The following TERF2 variants were observed in gnomAD, a reference collection of about 807,000 sequenced individuals.
The protein encoded by TERF2 is telomeric repeat-binding factor 2.
TERF2 carries 16 observed loss-of-function variants against 56.1 expected under a neutral mutation model. The ratio of observed to expected loss-of-function variants is 0.29; its 90% CI spans 0.19 to 0.43. The LOEUF is 0.43. TERF2 is among the 20% of genes least tolerant of loss of function. The pLI, the probability that TERF2 is intolerant of heterozygous loss-of-function variation, is 1.00. For synonymous variants in TERF2, 296 were observed against 282.1 expected, an observed-to-expected ratio of 1.05 and a Z score of -0.50; for missense variants, 547 against 712.9, an observed-to-expected ratio of 0.77 and a Z score of 2.65.
intron 6 of TERF2, 100 bp from the exon 7 acceptor site, chr16:69,367,299 G>C (rs1004670235): frequency 7.7e-6 from 10 of 1,300,570 alleles, no homozygotes. Flanking sequence ...AATTCCAGTT[G>C]AGGAGGCTTT....
intron 7 of TERF2, among the ~76,000 whole-genome samples, chr16:69,361,722 A>C (rs1000293508): frequency 6.6e-6 from 1 of 151,924 alleles, no homozygotes; most frequent in Middle Eastern, 3.2e-3. Flanking sequence ...CACTGAGTAC[A>C]TCAAGCACAT....
intron 3 of TERF2, among the ~76,000 whole-genome samples, chr16:69,377,689 A>G: frequency 6.6e-6 from 1 of 152,178 alleles, no homozygotes; most frequent in East Asian, 1.9e-4. Flanking sequence ...TCTGTTCTGA[A>G]GCCATTGTAA....
In TERF2 at chr16:69,361,217, G is replaced by A. The variant is rs904836758; in HGVS notation, c.1426+187C>T. The A allele has an allele frequency of 1.0e-5, 6 of 596,000 alleles. No homozygotes were observed. In the African/African-American group the frequency reaches 1.1e-4, roughly 11 times the overall value. 36.9% of individuals were successfully genotyped at this position (596,000 alleles called of 1,614,324 possible). A position where few individuals can be genotyped will look rare whatever the true frequency, so the allele number is the denominator to read the frequency against. ...ACTGCATTCTGGCCTGGGTGACAGA[G>A]CAAGACCCTGTCTGAAAAAGGAAAA... On this transcript the variant is annotated intron_variant, in intron 8 of 9. Transcript: ENST00000254942.
At chr16:69,367,343 A>G (rs1020468099) in intron 6 of TERF2, 144 bp from the exon 7 acceptor site, 5 of 904,892 alleles carry the variant, frequency 5.5e-6, no homozygotes, top group African/African-American at 5.0e-5. Context: ...ATGAATTTAA[A>G]ACTCCAAGTT....
chr16:69,382,603 T>C (rs2014044554), intron 3 of TERF2, among the ~76,000 whole-genome samples: 1 of 152,218 alleles, frequency 6.6e-6, no homozygotes, highest in South Asian at 2.1e-4. Context: ...ACTTCTGCCT[T>C]GGGTTCTTGC....
chr16:69,385,966 G>A lies in TERF2; in HGVS notation c.6C>T (p.Ala2=), dbSNP rs1359236444. ...CGGGGCCCGCCGTCCCGGCTCCCGC[G>A]GCCATGATAGAAACAGCGTTCCGAG... The part of the protein sequence containing the change: M[A]AGAGTAGPAS... The change falls in exon 1 of 10, where the codon GCC becomes GCT. Residue 2 remains alanine (A), a synonymous_variant. Transcript: ENST00000254942. The A allele has an allele frequency of 7.4e-7, 1 of 1,350,728 alleles. No homozygotes were observed. The highest frequency in any genetic ancestry group is 9.5e-7 in the Non-Finnish European group (1 of 1,051,826). The allele number at this position is 1,350,728 out of a possible 1,614,324, so 83.7% of individuals were successfully genotyped here.
intron 4 of TERF2, 59 bp downstream of exon 4, chr16:69,372,210 C>T: frequency 8.0e-7 from 1 of 1,249,822 alleles, no homozygotes; most frequent in Non-Finnish European, 1.1e-6. Context: ...TTCCCTATTT[C>T]CCCACAAAAA....
rs749655226 is a variant in TERF2 at position 69,367,152 on chromosome 16, G to A, written c.995C>T (p.Ala332Val). 5.0e-6 allele frequency: 8 copies of A among 1,614,018 alleles called. No individual in the cohort carries two copies. In the African/African-American group the frequency reaches 6.7e-5, roughly 13 times the overall value. Residue 332 changes from alanine to valine, a missense_variant, in exon 7 of 10, where the codon GCA becomes GTA. Ala to Val is a moderately conservative substitution (Grantham distance 64). Around this residue, in one of 6 missense-constraint regions of TERF2, gnomAD observed 211 missense variants for 236.8 expected, o/e 0.89. Transcript: ENST00000254942. The part of the protein sequence containing the change: ...PTTIGMMTLK[A>V]AFKTLSGAQD... ...TGCACCAGACAGAGTCTTGAAAGCT[G>A]CTTTCAGAGTCATCATTCCAATGGT...
At chr16:69,379,659 T>C (rs1028250306) in intron 3 of TERF2, among the ~76,000 whole-genome samples, 5 of 152,248 alleles carry the variant, frequency 3.3e-5, no homozygotes, top group South Asian at 2.1e-4. Context: ...TGATATTCAC[T>C]GTATTAGAAA....
At chr16:69,361,641 G>A (rs2013145164) in intron 7 of TERF2, 152 bp from the exon 8 acceptor site, 3 of 642,806 alleles carry the variant, frequency 4.7e-6, no homozygotes, top group Admixed American at 2.6e-5. Flanking sequence ...CAAAGCCACT[G>A]TCCTTTCTCC....
chr16:69,357,110 A>G (rs34805241), intron 9 of TERF2, 54 bp from the exon 10 acceptor site: 5 of 1,546,056 alleles, frequency 3.2e-6, no homozygotes, highest in Non-Finnish European at 4.4e-6. Context: ...ACTTACTTAC[A>G]TTTTCTCCAA....
At position 69,357,026 on chromosome 16, in the gene TERF2, T is replaced by C; in HGVS notation, c.1501A>G (p.Lys501Glu). ...KWTVEESEWV[K>E]AGVQKYGEGN... The stretch of plus-strand genomic sequence containing the variant: ...TCCCCATATTTCTGCACTCCAGCCT[T>C]GACCCACTCGCTTTCTTCTACAGTC... Residue 501 changes from lysine (K) to glutamate (E), a missense_variant, in exon 10 of 10, where the codon AAG becomes GAG. Around this residue, in one of 6 missense-constraint regions of TERF2, gnomAD observed 33 missense variants for 69.9 expected, o/e 0.47. Coordinates refer to ENST00000254942, the MANE Select transcript of TERF2 (RefSeq NM_005652.5). The C allele has an allele frequency of 1.2e-6, 2 of 1,612,568 alleles. No homozygotes were observed. The highest frequency in any genetic ancestry group is 1.7e-6 in the Non-Finnish European group (2 of 1,179,612).
chr16:69,370,905 T>C (rs1043744533), intron 4 of TERF2, among the ~76,000 whole-genome samples: 5 of 152,032 alleles, frequency 3.3e-5, no homozygotes, highest in African/African-American at 1.2e-4. Flanking sequence ...AAAAAAGCAA[T>C]TTAGAAAAGT....
rs558942722 is a variant in TERF2 at position 69,360,157 on chromosome 16, C to T, written c.1426+1247G>A. Among the ~76,000 whole-genome samples the T allele has an allele frequency of 8.8e-4, 133 of 151,930 alleles. 4 individuals carry two copies. In the South Asian group the frequency reaches 0.026, roughly 30 times the overall value. ...ATCCCAACACTTTGGGAGGCTGAGG[C>T]GAGCAGATCACTTGAGGTCAGGAGT... On this transcript the variant is annotated intron_variant, in intron 8 of 9. Transcript: ENST00000254942.
At chr16:69,377,920 T>C (rs1350103434) in intron 3 of TERF2, among the ~76,000 whole-genome samples, 1 of 152,166 alleles carries the variant, frequency 6.6e-6, no homozygotes, top group Admixed American at 6.5e-5. Context: ...TTATTTCCTC[T>C]CCATTCTGTA....
chr16:69,373,928 G>C (rs959745006), intron 3 of TERF2, among the ~76,000 whole-genome samples: 3 of 152,236 alleles, frequency 2.0e-5, no homozygotes, highest in African/African-American at 7.2e-5. Flanking sequence ...GAATAGCAAG[G>C]AAATTCATTA....
chr16:69,361,587 T>C, intron 7 of TERF2, 98 bp from the exon 8 acceptor site: 1 of 841,620 alleles, frequency 1.2e-6, no homozygotes, highest in Non-Finnish European at 2.0e-6. Context: ...TACTCCTTCC[T>C]GTCCCGTTGT....
At chr16:69,363,280 G>A (rs1190873278) in intron 7 of TERF2, among the ~76,000 whole-genome samples, 5 of 152,208 alleles carry the variant, frequency 3.3e-5, no homozygotes, top group Admixed American at 3.3e-4. Flanking sequence ...GGTCCGTCAT[G>A]TTCCCTGAGT....
At chr16:69,357,490 A>G in intron 9 of TERF2, 28 bp downstream of exon 9, 1 of 1,593,368 alleles carries the variant, frequency 6.3e-7, no homozygotes, top group Non-Finnish European at 8.6e-7. Flanking sequence ...CCACATAACC[A>G]GTAACAGAAA....
Sources: gnomAD v4.1 joint callset for allele counts (sites outside exome capture counted in the v4.1 genomes callset) on GRCh38, gnomAD v4.1.1 for gene constraint, gnomAD v4.1.1 regional missense constraint, MANE v1.5 for transcripts, NCBI Gene and HGNC (gene_info 2026-07-23, HGNC 2026-07-21) for gene names.